KRT8: variants seen among roughly 807,000 people sequenced by gnomAD.
The protein encoded by KRT8 is keratin, type II cytoskeletal 8.
Under a neutral mutation model 43.0 loss-of-function variants are expected in KRT8, and 24 were observed. The observed-to-expected ratio is 0.56, with a 90% CI of 0.40 to 0.78. The LOEUF is 0.78. Ranked by LOEUF, KRT8 falls within the 30% of genes least tolerant of loss-of-function variation. KRT8 has a pLI of 0.00. For missense variants in KRT8, 492 were observed against 638.4 expected (o/e 0.77, Z 2.47); for synonymous variants, 214 against 261.2 (o/e 0.82, Z 1.74).
In KRT8 at chr12:52,904,795, T is replaced by C. The variant is rs59536457; in HGVS notation, c.187A>G (p.Ile63Val). Residue 63 changes from isoleucine (I) to valine (V), a missense_variant, in exon 1 of 8, where the codon ATC (isoleucine) becomes GTC (valine). Ile to Val is a conservative substitution (Grantham distance 29). This residue lies in a region of KRT8 where 84 missense variants were observed against 97.6 expected (regional missense o/e 0.86). Coordinates refer to ENST00000692008, the Ensembl canonical transcript of KRT8. The stretch of plus-strand genomic sequence containing the variant: ...CTCTGGTTGACCGTAACTGCGGTGA[T>C]GCCTCCCATGCCGCTGGCCCCACCA... 7,257 of 1,612,286 alleles carry C rather than the reference T, an allele frequency of 4.5e-3. 34 individuals are homozygous for C. The highest frequency in any genetic ancestry group is 0.01 in the South Asian group (944 of 91,004).
intron 5 of KRT8, among the ~76,000 whole-genome samples, chr12:52,899,554 C>A (rs948983753): frequency 7.9e-5 from 12 of 152,092 alleles, no homozygotes; most frequent in African/African-American, 2.9e-4. Flanking sequence ...AACATACCTG[C>A]CCCAGTCCCC....
At position 52,919,103 on chromosome 12, in the gene KRT8, C is replaced by T. The variant is rs1330856633; in HGVS notation, c.-46-14076G>A. ...CGCCATTATGCAAAACAGAAGCTTG[C>T]AAATCCAATTCCTAGGGAGCTAGCC... On this transcript the variant is annotated intron_variant, in intron 2 of 6. Transcript: ENST00000546826. Among the ~76,000 whole-genome samples the T allele has an allele frequency of 2.0e-5, 3 of 152,042 alleles. No individual in the cohort carries two copies. In the East Asian group the frequency reaches 5.8e-4, roughly 29 times the overall value.
intron 2 of KRT8, among the ~76,000 whole-genome samples, chr12:52,930,475 C>T (rs1942065316): frequency 6.6e-6 from 1 of 152,242 alleles, no homozygotes; most frequent in South Asian, 2.1e-4. Flanking sequence ...CCCGCCTCAG[C>T]CTCCCAAAGT....
At chr12:52,923,999 C>G (rs1313508497) in intron 2 of KRT8, among the ~76,000 whole-genome samples, 3 of 151,896 alleles carry the variant, frequency 2.0e-5, no homozygotes, top group East Asian at 4.0e-4. Flanking sequence ...CGCCCGCCAC[C>G]ACGCCTGGCT....
At chr12:52,931,657 C>CATATATATATATATATATATAT (rs34460731) in intron 2 of KRT8, among the ~76,000 whole-genome samples, 10 of 147,152 alleles carry the variant, frequency 6.8e-5, no homozygotes, top group African/African-American at 2.5e-4. Context: ...ATTGGCTCCC[C>CATATATATATATATATATATAT]ATATATATAT....
intron 4 of KRT8, 69 bp from the exon 5 acceptor site, chr12:52,900,134 C>A: frequency 2.0e-6 from 3 of 1,528,668 alleles, no homozygotes; most frequent in Non-Finnish European, 2.7e-6. Flanking sequence ...TCCACAACAG[C>A]CTTTCTTAGG....
intron 2 of KRT8, among the ~76,000 whole-genome samples, chr12:52,913,342 C>T (rs1270059925): frequency 2.0e-5 from 3 of 152,198 alleles, no homozygotes; most frequent in Non-Finnish European, 4.4e-5. Context: ...TAACCTGATT[C>T]TGGTATTCCC....
At chr12:52,904,295 T>C (rs971055055) in intron 1 of KRT8, among the ~76,000 whole-genome samples, 1 of 151,970 alleles carries the variant, frequency 6.6e-6, no homozygotes, top group Non-Finnish European at 1.5e-5. Flanking sequence ...GTGAGAACAA[T>C]AACCGCTATT....
At chr12:52,926,260 G>C (rs544529512) in intron 2 of KRT8, among the ~76,000 whole-genome samples, 1 of 149,056 alleles carries the variant, frequency 6.7e-6, no homozygotes, top group South Asian at 2.1e-4. Context: ...AGAGCTTCCC[G>C]TTGCCTTCAG....
At chr12:52,937,811 A>G (rs1163843245) in intron 2 of KRT8, among the ~76,000 whole-genome samples, 1 of 151,736 alleles carries the variant, frequency 6.6e-6, no homozygotes, top group Admixed American at 6.6e-5. Flanking sequence ...AGCCTGGCCA[A>G]CATGGTGAAA....
chr12:52,900,640 C>T (rs1455030746), exon 4 of KRT8: 5 of 1,613,254 alleles, frequency 3.1e-6, no homozygotes, highest in Non-Finnish European at 4.2e-6. Flanking sequence ...CCCTTCCAGG[C>T]GAGACTCCAG....
chr12:52,898,835 G>A (rs1941286223), exon 6 of KRT8: 5 of 1,613,564 alleles, frequency 3.1e-6, no homozygotes, highest in Non-Finnish European at 3.4e-6. Context: ...CTTGGCGTTG[G>A]CATCCTTAAT....
At chr12:52,923,305 A>C (rs1941923902) in intron 2 of KRT8, among the ~76,000 whole-genome samples, 1 of 152,170 alleles carries the variant, frequency 6.6e-6, no homozygotes, top group Non-Finnish European at 1.5e-5. Context: ...TCTAGTCTCA[A>C]CTCGGTCTCT....
chr12:52,931,313 C>T (rs1049353859), intron 2 of KRT8, among the ~76,000 whole-genome samples: 17 of 152,160 alleles, frequency 1.1e-4, no homozygotes, highest in African/African-American at 3.1e-4. Flanking sequence ...GTGATCCTCC[C>T]GCCTCGGCCT....
intron 2 of KRT8, among the ~76,000 whole-genome samples, chr12:52,938,566 CA>C (rs1284745164): frequency 6.6e-6 from 1 of 151,690 alleles, no homozygotes; most frequent in Non-Finnish European, 1.5e-5. Flanking sequence ...CACCTGAGCC[CA>C]ATAGTTCGAG....
At chr12:52,926,344 C>T in intron 2 of KRT8, 1 of 891,330 alleles carries the variant, frequency 1.1e-6, no homozygotes, top group Admixed American at 2.4e-5. Context: ...CCTCCCCACC[C>T]CACCCCCAGG....
exon 7 of KRT8, chr12:52,898,505 A>G: frequency 6.2e-7 from 1 of 1,614,042 alleles, no homozygotes; most frequent in Non-Finnish European, 8.5e-7. Context: ...CATGTTCTGC[A>G]TCCCAGACTC....
intron 2 of KRT8, among the ~76,000 whole-genome samples, chr12:52,940,482 C>T (rs1405113642): frequency 6.7e-6 from 1 of 149,340 alleles, no homozygotes; most frequent in African/African-American, 2.5e-5. Flanking sequence ...AAAAGCTACA[C>T]ACTTTATAGT....
chr12:52,906,940 A>G (rs1689037025), upstream of KRT8: 1 of 358,808 alleles, frequency 2.8e-6, no homozygotes, highest in African/African-American at 2.1e-5. Context: ...GGACAGACAA[A>G]CTTAAAAAGA....
Sources: allele counts gnomAD v4.1 joint callset (sites outside exome capture counted in the v4.1 genomes callset), GRCh38; gene constraint gnomAD v4.1.1; regional missense constraint gnomAD v4.1.1; transcripts MANE v1.5; gene names NCBI Gene and HGNC (gene_info 2026-07-23, HGNC 2026-07-21).